ARHGEF7: variants seen among roughly 807,000 people sequenced by gnomAD.
ARHGEF7 encodes the protein PAK-interacting exchange factor beta.
A neutral mutation model predicts 109.8 loss-of-function variants in ARHGEF7; 33 were observed. The ratio of observed to expected loss-of-function variants is 0.30; its 90% CI spans 0.23 to 0.40. The LOEUF (loss-of-function observed/expected upper bound fraction) is 0.40. Ranked by LOEUF, ARHGEF7 falls within the 10% of genes least tolerant of loss-of-function variation. The probability of loss-of-function intolerance (pLI) is 1.00; values close to 1 mark genes in which losing one functional copy is unlikely to be tolerated. For missense variants in ARHGEF7, 938 were observed against 1,098.5 expected, an observed-to-expected ratio of 0.85 and a Z score of 2.07; for synonymous variants, 458 against 424.6, an observed-to-expected ratio of 1.08 and a Z score of -0.97.
Position 111,280,286 on chromosome 13 carries a change from G to T in ARHGEF7, c.1521G>T (p.Thr507=). The part of the protein sequence containing the change: ...SGFIYQGKLP[T]TGMTITKLED... ...GTCTTTTTTAGGGAAAGCTTCCAAC[G>T]ACAGGAATGACAATCACAAAGCTTG... The change falls in exon 14 of 22, where the codon ACG becomes ACT. Residue 507 remains threonine, a synonymous_variant. Transcript: ENST00000646102. 6.2e-7 allele frequency: 1 copy of T among 1,609,624 alleles called. No individual in the cohort carries two copies. The highest frequency in any genetic ancestry group is 8.5e-7 in the Non-Finnish European group (1 of 1,178,400).
Position 111,228,160 on chromosome 13 carries a change from G to C in ARHGEF7, c.671-5045G>C, listed in dbSNP as rs995224402. ...TGGCATCCAAAAAAGAGGAGGGGGC[G>C]CTTTTATAGAATGAAAGAGACTTTA... On this transcript the variant is annotated intron_variant, in intron 5 of 21. Coordinates refer to ENST00000646102, the MANE Select transcript of ARHGEF7 (RefSeq NM_001354046.2). The surrounding 1 kb of genome is among the most constrained non-coding windows in gnomAD (Gnocchi z 4.6). 2.0e-5 allele frequency among the ~76,000 whole-genome samples: 3 copies of C among 152,178 alleles called. No individual in the cohort carries two copies. Among genetic ancestry groups the C allele is most frequent in the Non-Finnish European group, 4.4e-5 (3 of 68,042 alleles).
intron 2 of ARHGEF7, among the ~76,000 whole-genome samples, chr13:111,177,829 A>G (rs571697078): frequency 2.7e-5 from 4 of 148,666 alleles, no homozygotes; most frequent in African/African-American, 9.7e-5. Flanking sequence ...GATGGTGGGG[A>G]AAAAAGTGTT....
chr13:111,270,753 G>T (rs1439541551), intron 9 of ARHGEF7, among the ~76,000 whole-genome samples: 2 of 152,180 alleles, frequency 1.3e-5, no homozygotes, highest in African/African-American at 2.4e-5. Flanking sequence ...TACATTTAAA[G>T]GAGTTGAAAT....
chr13:111,280,568 G>A lies in ARHGEF7; in HGVS notation c.1616G>A (p.Cys539Tyr). ...GSMIERILVS[C>Y]NNQQDLQEWV... is the part of the protein sequence containing the mutation. ...ATGATTGAGCGGATATTAGTGTCGT[G>A]CAACAACCAGCAGGATCTGCAGGAA... The change falls in exon 15 of 22, where the codon TGC (cysteine) becomes TAC (tyrosine). Residue 539 changes from cysteine to tyrosine, a missense_variant. Cys to Tyr is a radical substitution (Grantham distance 194). Transcript: ENST00000646102. The A allele has an allele frequency of 6.2e-7, 1 of 1,611,110 alleles. No individual in the cohort carries two copies. The highest frequency in any genetic ancestry group is 8.5e-7 in the Non-Finnish European group (1 of 1,178,858).
Position 111,303,221 on chromosome 13 carries a change from G to A in ARHGEF7, c.*108G>A, listed in dbSNP as rs1019541765. 3.3e-5 allele frequency: 33 copies of A among 989,372 alleles called. No homozygotes were observed. Among genetic ancestry groups the A allele is most frequent in the African/African-American group, 6.6e-5 (4 of 60,578 alleles). 61.3% of individuals were successfully genotyped at this position (989,372 alleles called of 1,614,324 possible). Reference sequence around the variant, plus strand: ...ACCACAGGGCAGGGCTGGGTGGGGCGCCACCTTGCTCTCTGTATATAGAAA... The same window carrying A: ...ACCACAGGGCAGGGCTGGGTGGGGCACCACCTTGCTCTCTGTATATAGAAA... On this transcript the variant is annotated 3_prime_UTR_variant, in exon 22 of 22. Transcript: ENST00000646102.
At chr13:111,268,916 A>G (rs1210556278) in intron 9 of ARHGEF7, among the ~76,000 whole-genome samples, 2 of 152,174 alleles carry the variant, frequency 1.3e-5, no homozygotes, top group African/African-American at 4.8e-5. Context: ...GGGTGTGCTC[A>G]AATATAAAAG....
At chr13:111,155,362 TG>T (rs2076233517) in intron 2 of ARHGEF7, among the ~76,000 whole-genome samples, 1 of 152,222 alleles carries the variant, frequency 6.6e-6, no homozygotes, top group African/African-American at 2.4e-5. Context: ...GAATTAGACA[TG>T]TAGGAATTCA....
chr13:111,251,183 A>G (rs2089713312), intron 8 of ARHGEF7, among the ~76,000 whole-genome samples: 1 of 152,182 alleles, frequency 6.6e-6, no homozygotes, highest in Non-Finnish European at 1.5e-5. Context: ...GTATGACGGA[A>G]AGGGGTTCAT....
At position 111,283,469 on chromosome 13, in the gene ARHGEF7, C is replaced by T. The variant is rs141984085; in HGVS notation, c.1950+106C>T. The T allele has an allele frequency of 1.9e-3, 2,788 of 1,447,174 alleles. 21 individuals are homozygous for T. Among genetic ancestry groups the T allele is most frequent in the South Asian group, 9.6e-3 (675 of 70,650 alleles). The allele number at this position is 1,447,174 out of a possible 1,614,324, so 89.6% of individuals were successfully genotyped here. ...CTGTGTACAGCAAAATGCACCCTAA[C>T]TCCTAGAGAACTGAGAAGGGGGGGT... is the stretch of plus-strand genomic sequence containing the variant. On this transcript the variant is annotated intron_variant, in intron 16 of 21. Transcript: ENST00000646102.
chr13:111,288,722 A>G (rs114013696), intron 18 of ARHGEF7, among the ~76,000 whole-genome samples: 1,698 of 152,356 alleles, frequency 0.011, 27 homozygotes, highest in African/African-American at 0.037. Context: ...GCCAGAATTC[A>G]TAATGCTTTT....
At chr13:111,252,381 A>G (rs1566966642) in intron 8 of ARHGEF7, among the ~76,000 whole-genome samples, 1 of 152,148 alleles carries the variant, frequency 6.6e-6, no homozygotes, top group Non-Finnish European at 1.5e-5. Context: ...GCATTTGGGC[A>G]GTGAGGTAAC....
chr13:111,140,998 A>AT (rs999443705), intron 1 of ARHGEF7, among the ~76,000 whole-genome samples: 3 of 152,092 alleles, frequency 2.0e-5, no homozygotes, highest in African/African-American at 7.2e-5. Context: ...CCTGGACCTT[A>AT]TTTTTTAGAG....
intron 8 of ARHGEF7, among the ~76,000 whole-genome samples, chr13:111,250,021 G>C (rs1267258687): frequency 6.6e-6 from 1 of 152,114 alleles, no homozygotes; most frequent in Non-Finnish European, 1.5e-5. Flanking sequence ...TTAAAGTTTC[G>C]ATGTTATTTG....
Position 111,266,130 on chromosome 13 carries a change from A to G in ARHGEF7, c.951-1418A>G, listed in dbSNP as rs144593701. On this transcript the variant is annotated intron_variant, in intron 8 of 21. Coordinates refer to ENST00000646102, the MANE Select transcript of ARHGEF7 (RefSeq NM_001354046.2). The surrounding 1 kb of genome is among the most constrained non-coding windows in gnomAD (Gnocchi z 4.8). ...TGGGAACTTCCCGAGGAGCAAGTGC[A>G]TGCCAGGCAGTTAATCCATGTGAAT... Among the ~76,000 whole-genome samples the G allele has an allele frequency of 2.2e-3, 342 of 152,242 alleles. 3 individuals carry two copies. Among genetic ancestry groups the G allele is most frequent in the Non-Finnish European group, 1.5e-3 (104 of 68,024 alleles).
intron 1 of ARHGEF7, among the ~76,000 whole-genome samples, chr13:111,129,626 A>G (rs1307334521): frequency 2.0e-5 from 3 of 152,230 alleles, no homozygotes; most frequent in Admixed American, 2.0e-4. Flanking sequence ...AAGAAGCTCA[A>G]CATTATCAGT....
rs965092492 is a variant in ARHGEF7, at chr13:111,299,711, G to A, written c.2312-1037G>A. On this transcript the variant is annotated intron_variant, in intron 19 of 21. Coordinates refer to ENST00000646102, the MANE Select transcript of ARHGEF7 (RefSeq NM_001354046.2). ...TACTGAGCTTTCCTGTGACAGTGAGGCTGCACAGCAAGTGCCTTTCTTATG... is the reference window on the plus strand; with the variant it reads ...TACTGAGCTTTCCTGTGACAGTGAGACTGCACAGCAAGTGCCTTTCTTATG... 2.6e-5 allele frequency among the ~76,000 whole-genome samples: 4 copies of A among 152,132 alleles called. No homozygotes were observed. The South Asian group carries it at 8.3e-4, about 32-fold the overall frequency.
intron 2 of ARHGEF7, among the ~76,000 whole-genome samples, chr13:111,174,731 G>A (rs962361874): frequency 3.3e-5 from 5 of 152,340 alleles, no homozygotes; most frequent in Non-Finnish European, 4.4e-5. Context: ...CACACCCCGT[G>A]CCTCAGCTGT....
chr13:111,129,451 A>G (rs993818419), intron 1 of ARHGEF7, among the ~76,000 whole-genome samples: 1 of 152,240 alleles, frequency 6.6e-6, no homozygotes, highest in African/African-American at 2.4e-5. Context: ...CAGTCTATAT[A>G]TTGGAAGAAA....
At chr13:111,292,036 C>T (rs2093304237) in intron 18 of ARHGEF7, 82 bp from the exon 19 acceptor site, 6 of 1,183,194 alleles carry the variant, frequency 5.1e-6, no homozygotes, top group Non-Finnish European at 6.1e-6. Flanking sequence ...GCTTTTGTTC[C>T]ATGTTTTGGT....
Sources: allele counts gnomAD v4.1 joint callset (sites outside exome capture counted in the v4.1 genomes callset), GRCh38; gene constraint gnomAD v4.1.1; non-coding constraint Gnocchi (gnomAD v3.1); transcripts MANE v1.5; gene names NCBI Gene and HGNC (gene_info 2026-07-23, HGNC 2026-07-21).